The following TMEM132D variants were observed in gnomAD, a reference collection of about 807,000 sequenced individuals.
TMEM132D encodes mature OL transmembrane protein.
TMEM132D carries 21 observed loss-of-function variants against 62.3 expected under a neutral mutation model. That is an observed-to-expected ratio of 0.34 (90% CI 0.24 to 0.49). The LOEUF is 0.49. Among genes scored for constraint, TMEM132D ranks in the 20% least tolerant of loss-of-function variants. The probability of loss-of-function intolerance (pLI) is 0.99; values close to 1 mark genes in which losing one functional copy is unlikely to be tolerated. For missense variants in TMEM132D, 1,346 were observed against 1,402.8 expected (o/e 0.96, Z 0.65); for synonymous variants, 621 against 575.6 (o/e 1.08, Z -1.13).
intron 1 of TMEM132D, among the ~76,000 whole-genome samples, chr12:129,880,471 T>G (rs918437339): frequency 1.3e-5 from 2 of 152,192 alleles, no homozygotes; most frequent in African/African-American, 4.8e-5. Context: ...AAAATCCATT[T>G]TGTCTTATCT....
At chr12:129,698,067 CT>C (rs1189218396) in intron 2 of TMEM132D, 2 of 152,166 alleles carry the variant, frequency 1.3e-5, no homozygotes, top group African/African-American at 4.8e-5. Flanking sequence ...CAAAGCTCCC[CT>C]ATTCAAACTT....
At chr12:129,645,303 G>A (rs536409586) in intron 2 of TMEM132D, among the ~76,000 whole-genome samples, 15 of 152,204 alleles carry the variant, frequency 9.9e-5, no homozygotes, top group African/African-American at 3.1e-4. Flanking sequence ...AATCTGTCTT[G>A]CCCCTCAACC....
At chr12:129,154,029 T>C (rs1877159444) in intron 5 of TMEM132D, among the ~76,000 whole-genome samples, 1 of 152,190 alleles carries the variant, frequency 6.6e-6, no homozygotes, top group Non-Finnish European at 1.5e-5. Flanking sequence ...CAAAATCTTC[T>C]CTGGAAATCA....
chr12:129,199,655 T>A (rs1475231076), intron 5 of TMEM132D, among the ~76,000 whole-genome samples: 1 of 152,178 alleles, frequency 6.6e-6, no homozygotes, highest in African/African-American at 2.4e-5. Flanking sequence ...GGACTCACAG[T>A]TCCACATGGC....
intron 1 of TMEM132D, among the ~76,000 whole-genome samples, chr12:129,723,432 C>G (rs1297906887): frequency 2.0e-5 from 3 of 152,166 alleles, no homozygotes; most frequent in African/African-American, 4.8e-5. Flanking sequence ...ATGCATCACC[C>G]AGGCCCTTTG....
chr12:129,585,959 A>G (rs997282384), intron 2 of TMEM132D, among the ~76,000 whole-genome samples: 3 of 152,286 alleles, frequency 2.0e-5, no homozygotes, highest in African/African-American at 2.4e-5. Context: ...TCATCCTATT[A>G]TATGTCAAAA....
At chr12:129,198,787 C>G (rs1225183326) in intron 5 of TMEM132D, among the ~76,000 whole-genome samples, 3 of 152,108 alleles carry the variant, frequency 2.0e-5, no homozygotes, top group Non-Finnish European at 4.4e-5. Context: ...TAAATTTCAA[C>G]TGTCCTCACT....
intron 2 of TMEM132D, among the ~76,000 whole-genome samples, chr12:129,651,456 G>C (rs1457012894): frequency 3.6e-4 from 54 of 152,076 alleles, no homozygotes; most frequent in Admixed American, 3.5e-3. Flanking sequence ...GGAGTGCACT[G>C]AACTAGTAAT....
Position 129,074,742 on chromosome 12 carries a change from G to C in TMEM132D, c.2433C>G (p.His811Gln), listed in dbSNP as rs773779822. 1 of 1,614,154 alleles carries C rather than the reference G, an allele frequency of 6.2e-7. No homozygotes were observed. The highest frequency in any genetic ancestry group is 8.5e-7 in the Non-Finnish European group (1 of 1,180,042). Residue 811 changes from histidine to glutamine, a missense_variant, in exon 9 of 9, where the codon CAC becomes CAG. Coordinates refer to ENST00000422113, the MANE Select transcript of TMEM132D (RefSeq NM_133448.3). ...TTTCCATGTGAACCCCTGCCCCTGT[G>C]TGTCTGCTGTCACTGGTGTTGGGGT... ...DANPNTSDSR[H>Q]TGAGVHMENN...
At position 129,306,135 on chromosome 12, in the gene TMEM132D, C is replaced by T. The variant is rs1267429015; in HGVS notation, c.1299+31499G>A. Among the ~76,000 whole-genome samples, 8 of 152,110 alleles carry T rather than the reference C, an allele frequency of 5.3e-5. 1 individual carries two copies. The highest frequency in any genetic ancestry group is 2.6e-4 in the Admixed American group (4 of 15,268). ...GCTCCCCAGTGGAAAAGTTACAATG[C>T]TTATTATAACCACACTATAAACAAG... On this transcript the variant is annotated intron_variant, in intron 4 of 8. Transcript: ENST00000422113.
intron 4 of TMEM132D, among the ~76,000 whole-genome samples, 193 bp downstream of exon 4, chr12:129,337,441 G>GCACGCACACACACA (rs1555248616): frequency 7.4e-5 from 11 of 148,228 alleles, no homozygotes; most frequent in Admixed American, 2.0e-4. Flanking sequence ...ATACACACAC[G>GCACGCACACACACA]CACACACACA....
Position 129,088,380 on chromosome 12 carries a change from G to T in TMEM132D, c.1444-3678C>A, listed in dbSNP as rs1398354513. ...CATGACCGGGGTGTCCTCCATGACC[G>T]GGGTGTCCTCTATGACCGGGTGTCC... is the stretch of plus-strand genomic sequence containing the variant. On this transcript the variant is annotated intron_variant, in intron 5 of 8. Transcript: ENST00000422113. Among the ~76,000 whole-genome samples the T allele has an allele frequency of 2.3e-4, 11 of 47,348 alleles. 4 individuals carry two copies. The highest frequency in any genetic ancestry group is 3.6e-4 in the Non-Finnish European group (10 of 27,742). 31.1% of individuals were successfully genotyped at this position (47,348 alleles called of 152,430 possible). A position where few individuals can be genotyped will look rare whatever the true frequency, so the allele number is the denominator to read the frequency against.
intron 4 of TMEM132D, among the ~76,000 whole-genome samples, chr12:129,293,979 C>T (rs1881510976): frequency 6.6e-6 from 1 of 152,162 alleles, no homozygotes; most frequent in South Asian, 2.1e-4. Context: ...GGGGGCCCCA[C>T]AGTAACTGAG....
At chr12:129,873,078 AC>A (rs1483666498) in intron 1 of TMEM132D, among the ~76,000 whole-genome samples, 1 of 152,168 alleles carries the variant, frequency 6.6e-6, no homozygotes, top group Non-Finnish European at 1.5e-5. Context: ...AGTCTGATAG[AC>A]CCATTACAAA....
At chr12:129,122,755 C>A (rs1876104200) in intron 5 of TMEM132D, among the ~76,000 whole-genome samples, 2 of 152,232 alleles carry the variant, frequency 1.3e-5, no homozygotes, top group Admixed American at 6.5e-5. Context: ...CCTACATTTT[C>A]TTTTGTAGTG....
chr12:129,516,204 C>T (rs190152248), intron 3 of TMEM132D, among the ~76,000 whole-genome samples: 122 of 152,292 alleles, frequency 8.0e-4, no homozygotes, highest in African/African-American at 2.7e-3. Flanking sequence ...CCCACATTAA[C>T]ATTCACTTAA....
chr12:129,375,939 G>A (rs764721794), intron 3 of TMEM132D, among the ~76,000 whole-genome samples: 2 of 152,136 alleles, frequency 1.3e-5, no homozygotes, highest in African/African-American at 2.4e-5. Flanking sequence ...CTATAGCCTT[G>A]ACAATAATTA....
intron 1 of TMEM132D, among the ~76,000 whole-genome samples, chr12:129,722,643 G>A (rs1868880557): frequency 6.6e-6 from 1 of 152,070 alleles, no homozygotes; most frequent in African/African-American, 2.4e-5. Flanking sequence ...TCCCCAAGGT[G>A]AGCACTGTGG....
chr12:129,865,576 G>A (rs1290604871), intron 1 of TMEM132D, among the ~76,000 whole-genome samples: 1 of 152,170 alleles, frequency 6.6e-6, no homozygotes, highest in Non-Finnish European at 1.5e-5. Context: ...GAGGGAATCT[G>A]GGTTTCATTG....
Sources: gnomAD v4.1 joint callset for allele counts (sites outside exome capture counted in the v4.1 genomes callset) on GRCh38, gnomAD v4.1.1 for gene constraint, MANE v1.5 for transcripts, NCBI Gene and HGNC (gene_info 2026-07-23, HGNC 2026-07-21) for gene names.